The following GAS7 variants were observed in gnomAD, a reference collection of about 807,000 sequenced individuals.
The protein encoded by GAS7 is growth arrest specific 7, also known as growth arrest-specific protein 7.
GAS7 carries 28 observed loss-of-function variants against 71.1 expected under a neutral mutation model. The ratio of observed to expected loss-of-function variants is 0.39; its 90% CI spans 0.29 to 0.54. The LOEUF is 0.54. GAS7 is among the 20% of genes least tolerant of loss of function. GAS7 has a pLI of 0.62. For missense variants in GAS7, 436 were observed against 627.8 expected (o/e 0.69, Z 3.27); for synonymous variants, 258 against 245.8 (o/e 1.05, Z -0.46).
chr17:10,185,711 T>C (rs971625516), intron 1 of GAS7, among the ~76,000 whole-genome samples: 4 of 152,138 alleles, frequency 2.6e-5, no homozygotes, highest in African/African-American at 9.7e-5. Flanking sequence ...TCTCAGCCTG[T>C]AGGATCTGAC....
intron 1 of GAS7, among the ~76,000 whole-genome samples, chr17:10,164,619 C>T (rs2142122907): frequency 6.6e-6 from 1 of 151,306 alleles, no homozygotes; most frequent in East Asian, 2.0e-4. Flanking sequence ...GAGCCATGAT[C>T]ATACCTGTGA....
At chr17:10,015,079 G>A (rs763333420) in intron 2 of GAS7, among the ~76,000 whole-genome samples, 2 of 151,832 alleles carry the variant, frequency 1.3e-5, no homozygotes, top group Admixed American at 6.6e-5. Context: ...CGCTTGAACC[G>A]GGGAGGCGGA....
intron 1 of GAS7, among the ~76,000 whole-genome samples, chr17:10,068,283 C>G (rs1246988238): frequency 6.6e-6 from 1 of 152,068 alleles, no homozygotes; most frequent in African/African-American, 2.4e-5. Flanking sequence ...TTCTGCGGAA[C>G]CTTTGCTAGA....
intron 9 of GAS7, among the ~76,000 whole-genome samples, chr17:9,928,273 C>T (rs967482730): frequency 2.1e-5 from 3 of 141,948 alleles, no homozygotes; most frequent in Admixed American, 7.2e-5. Context: ...CCACCACGCC[C>T]GGCTAATTTT....
intron 1 of GAS7, among the ~76,000 whole-genome samples, chr17:10,163,055 T>C (rs779951591): frequency 3.9e-5 from 6 of 152,178 alleles, no homozygotes; most frequent in Non-Finnish European, 8.8e-5. Flanking sequence ...CAAAAAAATA[T>C]TTTAGAAACA....
chr17:10,152,046 G>C (rs931131563), intron 1 of GAS7, among the ~76,000 whole-genome samples: 4 of 152,184 alleles, frequency 2.6e-5, no homozygotes, highest in Admixed American at 2.6e-4. Flanking sequence ...CATCACTGGA[G>C]TTCAGTGATG....
intron 1 of GAS7, among the ~76,000 whole-genome samples, chr17:10,053,631 C>G (rs767119476): frequency 5.3e-5 from 8 of 152,166 alleles, no homozygotes; most frequent in Middle Eastern, 3.4e-3. Flanking sequence ...ATCTGTGGAG[C>G]CCACAGATGC....
At chr17:9,996,190 G>A (rs937899290) in intron 2 of GAS7, among the ~76,000 whole-genome samples, 10 of 152,092 alleles carry the variant, frequency 6.6e-5, no homozygotes, top group Non-Finnish European at 1.2e-4. Flanking sequence ...TCCAATGATA[G>A]ACTGGATTAA....
At chr17:9,918,143 C>T in intron 12 of GAS7, 44 bp from the exon 13 acceptor site, 1 of 1,410,120 alleles carries the variant, frequency 7.1e-7, no homozygotes, top group Non-Finnish European at 1.0e-6. Context: ...CACGTCCCCT[C>T]CACTTGGGGG....
intron 2 of GAS7, among the ~76,000 whole-genome samples, chr17:10,008,847 A>G (rs1301993973): frequency 6.6e-6 from 1 of 152,212 alleles, no homozygotes; most frequent in Non-Finnish European, 1.5e-5. Flanking sequence ...AATGTACCAC[A>G]TGCACATCTT....
intron 1 of GAS7, among the ~76,000 whole-genome samples, chr17:10,087,410 G>A (rs73273849): frequency 0.01 from 1,569 of 152,332 alleles, 15 homozygotes; most frequent in African/African-American, 0.036. Context: ...CCAGGTGGAC[G>A]ATGAGCTTGT....
chr17:10,054,750 G>C (rs1010699960), intron 1 of GAS7, among the ~76,000 whole-genome samples: 5 of 152,164 alleles, frequency 3.3e-5, no homozygotes, highest in African/African-American at 1.2e-4. Context: ...CTCTTACACT[G>C]GTGGGTGCAG....
intron 2 of GAS7, among the ~76,000 whole-genome samples, chr17:9,982,731 G>A (rs760096387): frequency 6.6e-6 from 1 of 151,434 alleles, no homozygotes; most frequent in Non-Finnish European, 1.5e-5. Flanking sequence ...AGCCGAGATT[G>A]TGCCACTGCA....
intron 1 of GAS7, among the ~76,000 whole-genome samples, chr17:10,156,818 G>A (rs551726609): frequency 1.1e-4 from 17 of 151,962 alleles, no homozygotes; most frequent in Admixed American, 8.5e-4. Flanking sequence ...CTCTCTGGGC[G>A]TGCTTCCCCA....
At chr17:10,161,017 G>A (rs2074251695) in intron 1 of GAS7, among the ~76,000 whole-genome samples, 1 of 151,280 alleles carries the variant, frequency 6.6e-6, no homozygotes, top group Admixed American at 6.6e-5. Context: ...CATATAACTT[G>A]GAAGTTCAAG....
rs1217937101 is a variant in GAS7, at chr17:10,016,384, C to CAAAA, written c.304+3389_304+3392dup. ...TGGGTGAAAGAGCGAGACTCCGTCT[C>CAAAA]AAAAAAAAAAAAAAAAAAAGAGTTA... On this transcript the variant is annotated intron_variant, in intron 2 of 13. Transcript: ENST00000432992. Among the ~76,000 whole-genome samples, 133 of 71,406 alleles carry CAAAA rather than the reference C, an allele frequency of 1.9e-3. 2 individuals are homozygous for CAAAA. The highest frequency in any genetic ancestry group is 6.8e-3 in the African/African-American group (127 of 18,630). 46.8% of individuals were successfully genotyped at this position (71,406 alleles called of 152,430 possible). A position where few individuals can be genotyped will look rare whatever the true frequency, so the allele number is the denominator to read the frequency against.
At chr17:9,982,828 A>AG (rs1555611353) in intron 2 of GAS7, among the ~76,000 whole-genome samples, 1 of 97,958 alleles carries the variant, frequency 1.0e-5, no homozygotes, top group Non-Finnish European at 2.4e-5. Context: ...AAGAAAGGAA[A>AG]GAAAGAAAGA....
intron 1 of GAS7, among the ~76,000 whole-genome samples, chr17:10,115,610 T>C (rs796446615): frequency 1.6e-4 from 24 of 151,860 alleles, no homozygotes; most frequent in African/African-American, 5.8e-4. Flanking sequence ...TCCCCTAGCA[T>C]GAGGTGTCCA....
rs1440995604 is a variant in GAS7, at chr17:10,142,140, C to T, written c.183+56068G>A. On this transcript the variant is annotated intron_variant, in intron 1 of 13. Transcript: ENST00000432992. Reference sequence around the variant, plus strand: ...CTGAGGCAGGAGAATGGCGTGAACCCGGGAGGCGGAGCTTGCAGTGAGCCG... The same window carrying T: ...CTGAGGCAGGAGAATGGCGTGAACCTGGGAGGCGGAGCTTGCAGTGAGCCG... Among the ~76,000 whole-genome samples, 3 of 149,566 alleles carry T rather than the reference C, an allele frequency of 2.0e-5. No individual in the cohort carries two copies. The East Asian group carries it at 6.0e-4, about 30-fold the overall frequency.
Sources: gnomAD v4.1 joint callset for allele counts (sites outside exome capture counted in the v4.1 genomes callset) on GRCh38, gnomAD v4.1.1 for gene constraint, MANE v1.5 for transcripts, NCBI Gene and HGNC (gene_info 2026-07-23, HGNC 2026-07-21) for gene names.